UNC5C: variants seen among roughly 807,000 people sequenced by gnomAD.
UNC5C encodes unc-5 netrin receptor C, also known as netrin receptor UNC5C.
In UNC5C, 47 loss-of-function variants were observed where a neutral mutation model predicts 99.8. That is an observed-to-expected ratio of 0.47 (90% CI 0.37 to 0.60). UNC5C has a LOEUF of 0.60. UNC5C is among the 20% of genes least tolerant of loss of function. The pLI is 0.00. For missense variants in UNC5C, 1,062 were observed against 1,165.9 expected (o/e 0.91, Z 1.30); for synonymous variants, 487 against 452.2 (o/e 1.08, Z -0.98).
chr4:95,301,056 C>A (rs1482602751), intron 3 of UNC5C, among the ~76,000 whole-genome samples: 1 of 151,644 alleles, frequency 6.6e-6, no homozygotes, highest in Non-Finnish European at 1.5e-5. Context: ...ATCTCACATA[C>A]CATGTAAATA....
chr4:95,239,640 C>A (rs1739257591), intron 7 of UNC5C, among the ~76,000 whole-genome samples: 1 of 152,124 alleles, frequency 6.6e-6, no homozygotes, highest in African/African-American at 2.4e-5. Context: ...TCTCTAATTT[C>A]TTTCTTTTGG....
intron 3 of UNC5C, among the ~76,000 whole-genome samples, chr4:95,301,281 T>C (rs942464061): frequency 9.3e-5 from 14 of 150,244 alleles, no homozygotes; most frequent in Non-Finnish European, 1.8e-4. Flanking sequence ...CTGCAAGCTC[T>C]GCCTCCTGGG....
At chr4:95,475,032 C>A (rs911624911) in intron 1 of UNC5C, among the ~76,000 whole-genome samples, 1 of 152,132 alleles carries the variant, frequency 6.6e-6, no homozygotes, top group African/African-American at 2.4e-5. Context: ...TGCACCACTT[C>A]ATCCCAGAGA....
intron 1 of UNC5C, among the ~76,000 whole-genome samples, chr4:95,543,861 G>T (rs545574348): frequency 6.6e-6 from 1 of 152,214 alleles, no homozygotes; most frequent in East Asian, 1.9e-4. Context: ...AGAGACTGTG[G>T]AAGGGAATGA....
chr4:95,254,811 T>C (rs1158463730), intron 4 of UNC5C, among the ~76,000 whole-genome samples: 2 of 152,198 alleles, frequency 1.3e-5, no homozygotes, highest in Admixed American at 6.5e-5. Context: ...AATTCAATAA[T>C]CCTTCACCAG....
At chr4:95,326,926 T>C (rs1742910228) in intron 2 of UNC5C, among the ~76,000 whole-genome samples, 1 of 152,226 alleles carries the variant, frequency 6.6e-6, no homozygotes, top group African/African-American at 2.4e-5. Context: ...TCACTAAATA[T>C]CCTTCTAAAT....
chr4:95,296,228 G>A (rs745666453), intron 3 of UNC5C, among the ~76,000 whole-genome samples: 2 of 152,182 alleles, frequency 1.3e-5, no homozygotes, highest in Non-Finnish European at 2.9e-5. Flanking sequence ...ATATCTTTAT[G>A]AGTCAATCTT....
chr4:95,454,310 A>G (rs2149468581), intron 1 of UNC5C, among the ~76,000 whole-genome samples: 1 of 152,202 alleles, frequency 6.6e-6, no homozygotes, highest in African/African-American at 2.4e-5. Flanking sequence ...ATGCAGAAAA[A>G]GGTGGAAGAA....
intron 1 of UNC5C, among the ~76,000 whole-genome samples, chr4:95,394,002 A>G (rs1745437447): frequency 6.6e-6 from 1 of 152,144 alleles, no homozygotes; most frequent in South Asian, 2.1e-4. Flanking sequence ...TAAGAAATGG[A>G]AAAACAAATG....
chr4:95,418,774 G>T (rs888358386), intron 1 of UNC5C, among the ~76,000 whole-genome samples: 6 of 152,230 alleles, frequency 3.9e-5, no homozygotes, highest in Admixed American at 3.9e-4. Context: ...ACTTTCTTTA[G>T]AAAGATGATA....
Position 95,278,441 on chromosome 4 carries a change from G to A in UNC5C, c.491-79C>T. ...TTACAGAGAGTACAAAAAATTTTCT[G>A]GCTTAGTATTTTATCTGTGCTTTTT... On this transcript the variant is annotated intron_variant, in intron 3 of 15. Coordinates refer to ENST00000453304, the MANE Select transcript of UNC5C (RefSeq NM_003728.4). The A allele has an allele frequency of 2.6e-6, 3 of 1,174,166 alleles. No individual in the cohort carries two copies. The East Asian group carries it at 7.1e-5, about 28-fold the overall frequency. 72.7% of individuals were successfully genotyped at this position (1,174,166 alleles called of 1,614,324 possible).
At chr4:95,176,890 C>G (rs546336854) in intron 14 of UNC5C, among the ~76,000 whole-genome samples, 10 of 152,318 alleles carry the variant, frequency 6.6e-5, no homozygotes, top group South Asian at 2.1e-4. Flanking sequence ...TAGCAATCAG[C>G]GAGACTCTGT....
intron 4 of UNC5C, among the ~76,000 whole-genome samples, chr4:95,258,455 T>A (rs909681157): frequency 2.6e-5 from 4 of 152,154 alleles, no homozygotes. Context: ...GAAAAACAGG[T>A]TGGAGTTCAG....
rs141840510 is a variant in UNC5C at position 95,362,264 on chromosome 4, G to A, written c.125-26633C>T. Among the ~76,000 whole-genome samples, 472 of 152,232 alleles carry A rather than the reference G, an allele frequency of 3.1e-3. 4 individuals carry two copies. Among genetic ancestry groups the A allele is most frequent in the African/African-American group, 0.011 (453 of 41,554 alleles). On this transcript the variant is annotated intron_variant, in intron 1 of 15. Transcript: ENST00000453304. ...CGCTTCCCCTCCTGCCCATCGGAGC[G>A]TTCCAATCCTCTGACCACAATTATT... is the stretch of plus-strand genomic sequence containing the variant.
At chr4:95,269,016 G>GA (rs1246566236) in intron 4 of UNC5C, among the ~76,000 whole-genome samples, 1 of 152,232 alleles carries the variant, frequency 6.6e-6, no homozygotes, top group Non-Finnish European at 1.5e-5. Flanking sequence ...TAGTAGCTGG[G>GA]AATCTGCCAA....
intron 6 of UNC5C, among the ~76,000 whole-genome samples, chr4:95,244,574 A>T (rs1335159231): frequency 6.6e-6 from 1 of 152,236 alleles, no homozygotes; most frequent in African/African-American, 2.4e-5. Flanking sequence ...AAATATTTCC[A>T]TCTAAAACAT....
chr4:95,241,052 C>T (rs1021881431), intron 7 of UNC5C, among the ~76,000 whole-genome samples: 1 of 151,212 alleles, frequency 6.6e-6, no homozygotes, highest in Non-Finnish European at 1.5e-5. Context: ...ACTTTGCAAT[C>T]GCATGAATCA....
At chr4:95,367,501 T>C (rs577141719) in intron 1 of UNC5C, among the ~76,000 whole-genome samples, 48 of 152,126 alleles carry the variant, frequency 3.2e-4, no homozygotes, top group Non-Finnish European at 3.7e-4. Context: ...CTTAACACTA[T>C]GCTTTGTTGC....
chr4:95,335,773 A>T (rs889540273), intron 1 of UNC5C, 142 bp from the exon 2 acceptor site: 6 of 645,866 alleles, frequency 9.3e-6, no homozygotes, highest in African/African-American at 9.2e-5. Context: ...TGTATGTTAG[A>T]TCTATTGACT....
Sources: allele counts gnomAD v4.1 joint callset (sites outside exome capture counted in the v4.1 genomes callset), GRCh38; gene constraint gnomAD v4.1.1; transcripts MANE v1.5; gene names NCBI Gene and HGNC (gene_info 2026-07-23, HGNC 2026-07-21).